The following PLD1 variants were observed in gnomAD, a reference collection of about 807,000 sequenced individuals.
PLD1 encodes the protein choline phosphatase 1.
A neutral mutation model predicts 137.1 loss-of-function variants in PLD1; 112 were observed. That is an observed-to-expected ratio of 0.82 (90% CI 0.70 to 0.96). The LOEUF (loss-of-function observed/expected upper bound fraction) is 0.96. Ranked by LOEUF, PLD1 falls within the 40% of genes least tolerant of loss-of-function variation. The probability of loss-of-function intolerance (pLI) is 0.00; values close to 1 mark genes in which losing one functional copy is unlikely to be tolerated. For synonymous variants in PLD1, 431 were observed against 454.7 expected (o/e 0.95, Z 0.66); for missense variants, 1,321 against 1,342.0 (o/e 0.98, Z 0.24).
At chr3:171,687,265 T>C in intron 15 of PLD1, 106 bp downstream of exon 15, 1 of 900,594 alleles carries the variant, frequency 1.1e-6, no homozygotes, top group South Asian at 1.5e-5. Context: ...ACATTGCTCA[T>C]TCTACTCCAT....
intron 3 of PLD1, among the ~76,000 whole-genome samples, chr3:171,736,579 T>C (rs1484871879): frequency 6.6e-6 from 1 of 152,076 alleles, no homozygotes; most frequent in African/African-American, 2.4e-5. Context: ...AAAATGAGTG[T>C]AAGCTGGGAG....
intron 1 of PLD1, among the ~76,000 whole-genome samples, chr3:171,799,742 T>C (rs1281061580): frequency 2.6e-5 from 4 of 152,230 alleles, no homozygotes; most frequent in Non-Finnish European, 4.4e-5. Context: ...ATGCTGATAG[T>C]ATGTACCCTT....
At chr3:171,628,066 C>T (rs1036224658) in intron 23 of PLD1, among the ~76,000 whole-genome samples, 54 of 151,824 alleles carry the variant, frequency 3.6e-4, no homozygotes, top group African/African-American at 1.3e-3. Flanking sequence ...ATTAATGAAT[C>T]CAGGAGCTGG....
intron 8 of PLD1, among the ~76,000 whole-genome samples, chr3:171,719,596 G>C (rs1372303936): frequency 3.3e-5 from 5 of 152,218 alleles, no homozygotes; most frequent in Non-Finnish European, 7.3e-5. Context: ...AAGTAAGAAA[G>C]TGCTAAGGAA....
chr3:171,606,040 G>A (rs76785978), intron 25 of PLD1, among the ~76,000 whole-genome samples: 5,168 of 152,274 alleles, frequency 0.034, 320 homozygotes, highest in African/African-American at 0.12. Context: ...ACTCTGGGGG[G>A]CAAGGGTTGA....
At chr3:171,788,179 G>A (rs1273908217) in intron 1 of PLD1, among the ~76,000 whole-genome samples, 2 of 146,876 alleles carry the variant, frequency 1.4e-5, no homozygotes, top group Admixed American at 6.8e-5. Context: ...TGTGACAAGA[G>A]CAAAAATCCA....
chr3:171,755,822 T>C (rs140812579), intron 1 of PLD1, among the ~76,000 whole-genome samples: 11 of 152,336 alleles, frequency 7.2e-5, no homozygotes, highest in Non-Finnish European at 1.5e-5. Flanking sequence ...TTCAGACCTA[T>C]CTATCCAGCT....
chr3:171,692,907 G>A (rs753113198), intron 12 of PLD1, among the ~76,000 whole-genome samples: 26 of 152,130 alleles, frequency 1.7e-4, no homozygotes, highest in Admixed American at 5.9e-4. Context: ...ACATAAGTGC[G>A]TATATTGAGA....
chr3:171,770,210 C>T (rs546065855), intron 1 of PLD1, among the ~76,000 whole-genome samples: 12 of 152,056 alleles, frequency 7.9e-5, no homozygotes, highest in African/African-American at 2.9e-4. Flanking sequence ...TTCTTTAATC[C>T]TCGGGTAATC....
chr3:171,652,296 C>A (rs990638187), intron 21 of PLD1, among the ~76,000 whole-genome samples: 3 of 151,852 alleles, frequency 2.0e-5, no homozygotes, highest in African/African-American at 4.8e-5. Flanking sequence ...ACCTGTAGTC[C>A]CAGCTACTCG....
At position 171,672,640 on chromosome 3, in the gene PLD1, AC is replaced by A. The variant is rs149789418; in HGVS notation, c.2229+1859del. Among the ~76,000 whole-genome samples, 1,028 of 151,966 alleles carry A rather than the reference AC, an allele frequency of 6.8e-3. 12 individuals are homozygous for A. The highest frequency in any genetic ancestry group is 0.02 in the African/African-American group (813 of 41,428). ...GTGGCTGGGACCGCAAGCATGTGCCACCATGCCTGGCTAATTTTTTAAGAAC... is the reference window on the plus strand; with the variant it reads ...GTGGCTGGGACCGCAAGCATGTGCCACATGCCTGGCTAATTTTTTAAGAAC... On this transcript the variant is annotated intron_variant, in intron 19 of 26. Transcript: ENST00000351298.
chr3:171,770,566 C>T (rs867999082), intron 1 of PLD1, among the ~76,000 whole-genome samples: 5 of 152,008 alleles, frequency 3.3e-5, no homozygotes, highest in East Asian at 1.9e-4. Flanking sequence ...TCTAGTGCGA[C>T]GACACAAAGA....
At chr3:171,740,394 T>C (rs1578391428) in intron 1 of PLD1, among the ~76,000 whole-genome samples, 1 of 152,278 alleles carries the variant, frequency 6.6e-6, no homozygotes, top group Admixed American at 6.5e-5. Context: ...TACAAGGTAA[T>C]GAAAAATTTA....
intron 23 of PLD1, among the ~76,000 whole-genome samples, chr3:171,626,920 A>G (rs1037746002): frequency 8.5e-5 from 13 of 152,184 alleles, no homozygotes; most frequent in Non-Finnish European, 1.6e-4. Context: ...AATTATAAAG[A>G]CCACTGAGGC....
At chr3:171,735,339 T>C (rs959540964) in intron 4 of PLD1, among the ~76,000 whole-genome samples, 153 bp downstream of exon 4, 2 of 152,172 alleles carry the variant, frequency 1.3e-5, no homozygotes, top group African/African-American at 4.8e-5. Context: ...TCTTGCTACG[T>C]TACACAGGCT....
intron 1 of PLD1, among the ~76,000 whole-genome samples, chr3:171,762,011 A>G (rs1721431014): frequency 6.6e-6 from 1 of 152,230 alleles, no homozygotes; most frequent in Non-Finnish European, 1.5e-5. Context: ...CATTCATTTG[A>G]ACACTGGTAT....
In PLD1 at chr3:171,679,906, A is replaced by G. The variant is rs1038254362; in HGVS notation, c.1868-2212T>C. ...CTTATGGCATCAACAATGCTGATCC[A>G]AGGGGGTCTCGTTAGGCTGCTATCT... On this transcript the variant is annotated intron_variant, in intron 16 of 26. Coordinates refer to ENST00000351298, the MANE Select transcript of PLD1 (RefSeq NM_002662.5). Among the ~76,000 whole-genome samples, 5 of 152,318 alleles carry G rather than the reference A, an allele frequency of 3.3e-5. 1 individual carries two copies. The highest frequency in any genetic ancestry group is 1.2e-4 in the African/African-American group (5 of 41,566).
intron 19 of PLD1, among the ~76,000 whole-genome samples, chr3:171,670,823 T>C (rs1333141195): frequency 6.6e-6 from 1 of 152,240 alleles, no homozygotes; most frequent in Non-Finnish European, 1.5e-5. Context: ...TCTATTTCTA[T>C]TTAGTGATAA....
At chr3:171,776,895 A>G (rs75852245) in intron 1 of PLD1, among the ~76,000 whole-genome samples, 2,792 of 152,314 alleles carry the variant, frequency 0.018, 44 homozygotes, top group Middle Eastern at 0.092. Context: ...AATTTTACAT[A>G]AAACTGTATA....
Sources: gnomAD v4.1 joint callset for allele counts (sites outside exome capture counted in the v4.1 genomes callset) on GRCh38, gnomAD v4.1.1 for gene constraint, MANE v1.5 for transcripts, NCBI Gene and HGNC (gene_info 2026-07-23, HGNC 2026-07-21) for gene names.